Variants in LYRM4 observed in about 807,000 individuals in gnomAD.
LYRM4 encodes the protein LYR motif-containing protein 4.
LYRM4 carries 9 observed loss-of-function variants against 11.7 expected under a neutral mutation model. The ratio of observed to expected loss-of-function variants is 0.77; its 90% CI spans 0.46 to 1.34. The LOEUF is 1.34. Ranked by LOEUF, LYRM4 falls within the 40% of genes most tolerant of loss-of-function variation. The probability of loss-of-function intolerance (pLI) is 0.00; values close to 1 mark genes in which losing one functional copy is unlikely to be tolerated. For missense variants in LYRM4, 133 were observed against 112.5 expected (o/e 1.18, Z -0.82); for synonymous variants, 42 against 40.4 (o/e 1.04, Z -0.15).
the LYRM4 span, among the ~76,000 whole-genome samples, chr6:5,098,508 A>G: frequency 6.6e-6 from 1 of 152,236 alleles, no homozygotes; most frequent in Non-Finnish European, 1.5e-5. Context: ...GTTTGGCAGT[A>G]TCTCCTGAAC....
At chr6:5,126,759 A>G (rs1280637853) in intron 2 of LYRM4, among the ~76,000 whole-genome samples, 1 of 152,296 alleles carries the variant, frequency 6.6e-6, no homozygotes. Flanking sequence ...TTCCATTTAT[A>G]TGAAATATCC....
intron 2 of LYRM4, among the ~76,000 whole-genome samples, chr6:5,215,768 C>A (rs901053335): frequency 6.6e-6 from 1 of 152,100 alleles, no homozygotes; most frequent in African/African-American, 2.4e-5. Context: ...GCATAACTTA[C>A]AAAAATGGTA....
chr6:5,214,964 T>C (rs1314770514), intron 2 of LYRM4, among the ~76,000 whole-genome samples: 1 of 151,972 alleles, frequency 6.6e-6, no homozygotes, highest in Admixed American at 6.6e-5. Context: ...GCCCTTGCCC[T>C]GCACATGCCA....
chr6:5,196,204 A>T (rs1761047138), intron 2 of LYRM4, among the ~76,000 whole-genome samples: 1 of 152,100 alleles, frequency 6.6e-6, no homozygotes, highest in Non-Finnish European at 1.5e-5. Context: ...TCCAGTCCCC[A>T]TCATCTGGCG....
At chr6:5,226,019 A>C (rs1331669514) in intron 1 of LYRM4, among the ~76,000 whole-genome samples, 1 of 152,092 alleles carries the variant, frequency 6.6e-6, no homozygotes, top group South Asian at 2.1e-4. Flanking sequence ...GGTCTTTTGA[A>C]TGGATTTGTA....
intron 2 of LYRM4, among the ~76,000 whole-genome samples, chr6:5,199,063 A>G (rs1761234492): frequency 6.6e-6 from 1 of 152,230 alleles, no homozygotes; most frequent in African/African-American, 2.4e-5. Context: ...AAGTATATAT[A>G]CAAGAGGAAT....
chr6:5,242,771 T>TC (rs1388571155), intron 1 of LYRM4, among the ~76,000 whole-genome samples: 2 of 150,120 alleles, frequency 1.3e-5, no homozygotes, highest in Admixed American at 6.6e-5. Flanking sequence ...CTGCTCTTTT[T>TC]TTTTTTTTTT....
rs530960922 is a variant in LYRM4, at chr6:5,167,263, G to A, written c.207+49355C>T. Among the ~76,000 whole-genome samples, 4 of 152,266 alleles carry A rather than the reference G, an allele frequency of 2.6e-5. No homozygotes were observed. In the East Asian group the frequency reaches 5.8e-4, roughly 22 times the overall value. On this transcript the variant is annotated intron_variant, in intron 2 of 2. Transcript: ENST00000330636. ...AGCACAGAAGGGCATAAAGTTAAAA[G>A]CTTAATTTTCCTTCTCTCTTATCCC...
At chr6:5,086,220 C>T in the LYRM4 span, 2,493 of 1,535,382 alleles carry the variant, frequency 1.6e-3, 20 homozygotes, top group African/African-American at 0.025. Flanking sequence ...GCCCTGGGCC[C>T]AGGGCCGTGA....
the LYRM4 span, among the ~76,000 whole-genome samples, chr6:5,048,290 G>GGTGTGTGTGTGTGT: frequency 6.4e-5 from 9 of 140,056 alleles, no homozygotes; most frequent in East Asian, 2.2e-4. Context: ...GACACTTTGT[G>GGTGTGTGTGTGTGT]GTGTGTGTGT....
At chr6:5,120,237 G>GAGCTCTT (rs1763371051) in intron 2 of LYRM4, among the ~76,000 whole-genome samples, 3 of 152,160 alleles carry the variant, frequency 2.0e-5, no homozygotes, top group African/African-American at 7.2e-5. Flanking sequence ...GCCCAAAGTC[G>GAGCTCTT]TGGGCAGCTA....
intron 2 of LYRM4, among the ~76,000 whole-genome samples, chr6:5,131,534 T>C (rs1373115717): frequency 6.6e-6 from 1 of 152,114 alleles, no homozygotes; most frequent in Non-Finnish European, 1.5e-5. Context: ...ACCTCATCTC[T>C]TAAAAGAGAA....
intron 1 of LYRM4, among the ~76,000 whole-genome samples, chr6:5,250,890 T>TCTC (rs1764399578): frequency 6.6e-6 from 1 of 152,362 alleles, no homozygotes; most frequent in East Asian, 1.9e-4. Flanking sequence ...AGCAAAACTC[T>TCTC]TATTTGGCTG....
rs1301588431 is a variant in LYRM4 at position 5,218,369 on chromosome 6, G to T, written c.87-1631C>A. ...AATTTCCTTGGGAGCAGCGCGGAGGGGGTGTTGGGAGCTCATATAACTTAT... is the reference window on the plus strand; with the variant it reads ...AATTTCCTTGGGAGCAGCGCGGAGGTGGTGTTGGGAGCTCATATAACTTAT... On this transcript the variant is annotated intron_variant, in intron 1 of 2. Coordinates refer to ENST00000330636, the MANE Select transcript of LYRM4 (RefSeq NM_020408.6). The T allele has an allele frequency of 1.6e-5, 16 of 984,924 alleles. No homozygotes were observed. The Admixed American group carries it at 4.9e-4, about 30-fold the overall frequency. 61.0% of individuals were successfully genotyped at this position (984,924 alleles called of 1,614,324 possible). A position where few individuals can be genotyped will look rare whatever the true frequency, so the allele number is the denominator to read the frequency against.
chr6:5,172,336 A>T (rs1759478433), intron 2 of LYRM4, among the ~76,000 whole-genome samples: 1 of 152,210 alleles, frequency 6.6e-6, no homozygotes, highest in South Asian at 2.1e-4. Context: ...GCCCAAAAAA[A>T]GGAGCTGAGG....
rs150576573 is a variant in LYRM4 at position 5,195,857 on chromosome 6, CT to C, written c.207+20760del. 4.4e-3 allele frequency among the ~76,000 whole-genome samples: 667 copies of C among 152,280 alleles called. 2 individuals carry two copies. Among genetic ancestry groups the C allele is most frequent in the African/African-American group, 0.015 (640 of 41,566 alleles). On this transcript the variant is annotated intron_variant, in intron 2 of 2. Coordinates refer to ENST00000330636, the MANE Select transcript of LYRM4 (RefSeq NM_020408.6). ...GGGCAGGGGCAGGTACTATATCTGT[CT>C]TATCTATCACTGTATCCCCAGAATT...
intron 1 of LYRM4, among the ~76,000 whole-genome samples, chr6:5,225,607 G>A (rs761113348): frequency 6.6e-6 from 1 of 152,178 alleles, no homozygotes; most frequent in Non-Finnish European, 1.5e-5. Context: ...TTAGGTAGCC[G>A]TTTATTAATG....
chr6:5,084,181 A>T, the LYRM4 span, among the ~76,000 whole-genome samples: 5 of 152,260 alleles, frequency 3.3e-5, no homozygotes, highest in Non-Finnish European at 7.3e-5. Context: ...ATGTCCGTGC[A>T]TGCTGAAGTA....
chr6:5,144,887 G>C (rs948181382), intron 2 of LYRM4, among the ~76,000 whole-genome samples: 1 of 152,176 alleles, frequency 6.6e-6, no homozygotes, highest in African/African-American at 2.4e-5. Context: ...GTCTCCTTTA[G>C]GTCTGTGCTG....
Sources: allele counts gnomAD v4.1 joint callset (sites outside exome capture counted in the v4.1 genomes callset), GRCh38; gene constraint gnomAD v4.1.1; transcripts MANE v1.5; gene names NCBI Gene and HGNC (gene_info 2026-07-23, HGNC 2026-07-21).